RAB38: variants seen among roughly 807,000 people sequenced by gnomAD.
RAB38 encodes the protein ras-related protein Rab-38.
A neutral mutation model predicts 18.4 loss-of-function variants in RAB38; 15 were observed. The observed-to-expected ratio is 0.82, with a 90% CI of 0.55 to 1.26. The LOEUF is 1.26. RAB38 is among the 50% of genes most tolerant of loss of function. The pLI, the probability that RAB38 is intolerant of heterozygous loss-of-function variation, is 0.00. For synonymous variants in RAB38, 101 were observed against 104.4 expected (o/e 0.97, Z 0.20); for missense variants, 294 against 267.4 (o/e 1.10, Z -0.69).
the RAB38 span, among the ~76,000 whole-genome samples, chr11:87,814,834 C>T: frequency 6.6e-6 from 1 of 151,730 alleles, no homozygotes; most frequent in East Asian, 1.9e-4. Context: ...CCGGGGTTCA[C>T]GCCATTCTCC....
At chr11:88,118,997 A>G (rs1942595211) in intron 2 of RAB38, among the ~76,000 whole-genome samples, 1 of 152,178 alleles carries the variant, frequency 6.6e-6, no homozygotes, top group South Asian at 2.1e-4. Flanking sequence ...CCAATCTGTC[A>G]TTTCAACCAA....
chr11:87,976,298 A>G, the RAB38 span, among the ~76,000 whole-genome samples: 1 of 143,704 alleles, frequency 7.0e-6, no homozygotes, highest in African/African-American at 2.5e-5. Flanking sequence ...ATACATACAC[A>G]CATATATATA....
chr11:87,922,633 T>G, the RAB38 span, among the ~76,000 whole-genome samples: 1 of 151,990 alleles, frequency 6.6e-6, no homozygotes, highest in Non-Finnish European at 1.5e-5. Context: ...GCCAAATTAT[T>G]TTTACACTGC....
At chr11:88,032,895 A>G in the RAB38 span, among the ~76,000 whole-genome samples, 5 of 152,266 alleles carry the variant, frequency 3.3e-5, no homozygotes, top group Non-Finnish European at 7.3e-5. Flanking sequence ...CCAAAGGATT[A>G]TAAATCATGC....
the RAB38 span, among the ~76,000 whole-genome samples, chr11:88,020,721 T>TA: frequency 6.6e-6 from 1 of 152,104 alleles, no homozygotes; most frequent in Admixed American, 6.6e-5. Flanking sequence ...GTTAAAACAT[T>TA]AAAAAATTGA....
chr11:88,046,289 A>G, the RAB38 span, among the ~76,000 whole-genome samples: 1 of 152,150 alleles, frequency 6.6e-6, no homozygotes, highest in Non-Finnish European at 1.5e-5. Context: ...TACCTGTCCT[A>G]AAACCAGACA....
At chr11:87,806,502 A>T in the RAB38 span, among the ~76,000 whole-genome samples, 1 of 152,200 alleles carries the variant, frequency 6.6e-6, no homozygotes, top group Non-Finnish European at 1.5e-5. Context: ...TTACATTGGG[A>T]ATATCTGGTT....
chr11:88,133,709 G>C (rs949443110), intron 2 of RAB38, among the ~76,000 whole-genome samples: 1 of 152,184 alleles, frequency 6.6e-6, no homozygotes, highest in African/African-American at 2.4e-5. Flanking sequence ...TTTAAAGAGA[G>C]AACCAATGAT....
the RAB38 span, among the ~76,000 whole-genome samples, chr11:88,012,355 G>T: frequency 6.6e-6 from 1 of 152,142 alleles, no homozygotes; most frequent in African/African-American, 2.4e-5. Context: ...AGCAGGAAAA[G>T]ACACCACACT....
the RAB38 span, among the ~76,000 whole-genome samples, chr11:87,901,416 C>T: frequency 6.6e-6 from 1 of 151,532 alleles, no homozygotes; most frequent in African/African-American, 2.4e-5. Flanking sequence ...TTTTGGAGAA[C>T]TTGGAACTCA....
the RAB38 span, among the ~76,000 whole-genome samples, chr11:88,005,913 T>C: frequency 6.6e-6 from 1 of 151,594 alleles, no homozygotes; most frequent in East Asian, 1.9e-4. Context: ...TGTCTATAGA[T>C]GCTTGGGTTT....
chr11:88,068,834 G>A, the RAB38 span, among the ~76,000 whole-genome samples: 1 of 152,282 alleles, frequency 6.6e-6, no homozygotes, highest in East Asian at 1.9e-4. Flanking sequence ...AATATTTTAA[G>A]GCAATTTGCT....
the RAB38 span, among the ~76,000 whole-genome samples, chr11:87,915,254 G>T: frequency 6.6e-6 from 1 of 152,072 alleles, no homozygotes; most frequent in African/African-American, 2.4e-5. Context: ...GTAAAATAAG[G>T]CTGAGACCTA....
the RAB38 span, among the ~76,000 whole-genome samples, chr11:88,081,077 A>G: frequency 6.6e-6 from 1 of 151,880 alleles, no homozygotes; most frequent in Non-Finnish European, 1.5e-5. Context: ...AAAACAGAAA[A>G]TAACACCACT....
chr11:87,943,254 A>C, the RAB38 span, among the ~76,000 whole-genome samples: 2 of 152,154 alleles, frequency 1.3e-5, no homozygotes, highest in African/African-American at 2.4e-5. Context: ...TTCACTGTAG[A>C]CCATTGAGTG....
the RAB38 span, among the ~76,000 whole-genome samples, chr11:88,013,797 G>A: frequency 6.6e-6 from 1 of 152,144 alleles, no homozygotes; most frequent in South Asian, 2.1e-4. Context: ...GGACTGGAAT[G>A]AAATGGCTAT....
At chr11:87,825,957 AAAAT>A in the RAB38 span, among the ~76,000 whole-genome samples, 442 of 152,286 alleles carry the variant, frequency 2.9e-3, 3 homozygotes, top group African/African-American at 0.01. Flanking sequence ...ACAATAATAA[AAAAT>A]AAATGGTGGT....
chr11:88,101,471 T>C, the RAB38 span, among the ~76,000 whole-genome samples: 3 of 151,856 alleles, frequency 2.0e-5, no homozygotes, highest in Admixed American at 6.6e-5. Context: ...AAATTTACGC[T>C]GTATAAAAAT....
the RAB38 span, among the ~76,000 whole-genome samples, chr11:87,951,470 C>G: frequency 3.3e-5 from 5 of 151,794 alleles, no homozygotes; most frequent in African/African-American, 1.2e-4. Flanking sequence ...GAGAGGCGCT[C>G]TGCTTTTTAG....
Sources: allele counts gnomAD v4.1 joint callset (sites outside exome capture counted in the v4.1 genomes callset), GRCh38; gene constraint gnomAD v4.1.1; transcripts MANE v1.5; gene names NCBI Gene and HGNC (gene_info 2026-07-23, HGNC 2026-07-21).